FITM2: variants seen among roughly 807,000 people sequenced by gnomAD.
The protein encoded by FITM2 is fat storage inducing transmembrane protein 2, also known as acyl-coenzyme A diphosphatase FITM2.
A neutral mutation model predicts 23.3 loss-of-function variants in FITM2; 16 were observed. That is an observed-to-expected ratio of 0.69 (90% CI 0.47 to 1.05). The LOEUF (loss-of-function observed/expected upper bound fraction) is 1.05. Ranked by LOEUF, FITM2 falls within the 50% of genes least tolerant of loss-of-function variation. The pLI is 0.00. For missense variants in FITM2, 273 were observed against 327.5 expected, an observed-to-expected ratio of 0.83 and a Z score of 1.29; for synonymous variants, 132 against 142.0, an observed-to-expected ratio of 0.93 and a Z score of 0.50.
In FITM2 at chr20:44,306,513, T is replaced by A; in HGVS notation, c.*112A>T. ...TTCAGCACCACCCACCAAAACTGCC[T>A]GGTACACTTTCCCTCTGAAGTAGGA... On this transcript the variant is annotated 3_prime_UTR_variant, in exon 2 of 2. Coordinates refer to ENST00000396825, the MANE Select transcript of FITM2 (RefSeq NM_001080472.4). 1 of 1,461,492 alleles carries A rather than the reference T, an allele frequency of 6.8e-7. No homozygotes were observed. Among genetic ancestry groups the A allele is most frequent in the Middle Eastern group, 2.5e-4 (1 of 3,968 alleles). 90.5% of individuals were successfully genotyped at this position (1,461,492 alleles called of 1,614,324 possible).
At position 44,310,847 on chromosome 20, in the gene FITM2, C is replaced by T. The variant is rs568884407; in HGVS notation, c.173+129G>A. 8.6e-6 allele frequency: 11 copies of T among 1,279,596 alleles called. No homozygotes were observed. In the East Asian group the frequency reaches 1.8e-4, roughly 21 times the overall value. The allele number at this position is 1,279,596 out of a possible 1,614,324, so 79.3% of individuals were successfully genotyped here. A position where few individuals can be genotyped will look rare whatever the true frequency, so the allele number is the denominator to read the frequency against. On this transcript the variant is annotated intron_variant, in intron 1 of 1. Transcript: ENST00000396825. ...AGGCGTGACACGCGTGCAGATGCTG[C>T]TGTCACGGCTAGGAGGAGGACCTCC...
chr20:44,306,823 A>C lies in FITM2; in HGVS notation c.591T>G (p.Ile197Met). The C allele has an allele frequency of 6.2e-7, 1 of 1,614,162 alleles. No individual in the cohort carries two copies. The highest frequency in any genetic ancestry group is 8.5e-7 in the Non-Finnish European group (1 of 1,180,026). ...ACATCAACACCCAGATGAAAGTCAG[A>C]ATGCCCAGGGCCACAACCAGGGTGG... ...AITTLVVALG[I>M]LTFIWVLMFL... The change falls in exon 2 of 2, where the codon ATT becomes ATG. Residue 197 changes from isoleucine (I) to methionine (M), a missense_variant. Transcript: ENST00000396825.
chr20:44,306,756 C>T lies in FITM2; in HGVS notation c.658G>A (p.Val220Met), dbSNP rs145603076. 22 of 1,614,038 alleles carry T rather than the reference C, an allele frequency of 1.4e-5. No homozygotes were observed. The highest frequency in any genetic ancestry group is 1.7e-5 in the Non-Finnish European group (20 of 1,180,042). The change falls in exon 2 of 2, where the codon GTG becomes ATG. Residue 220 changes from valine to methionine, a missense_variant. By Grantham distance (21) the Val-to-Met change is conservative. This residue lies in a region of FITM2 where 117 missense variants were observed against 183.3 expected (regional missense o/e 0.64). Coordinates refer to ENST00000396825, the MANE Select transcript of FITM2 (RefSeq NM_001080472.4). ...AGCAAACCAAACAAGGTGCCAAACA[C>T]CTTCTGGGACAAGTTGTGGAAATAA... ...AVYFHNLSQKVFGTLFGLLSW... is the reference protein window; with the variant it reads ...AVYFHNLSQKMFGTLFGLLSW...
At position 44,311,112 on chromosome 20, in the gene FITM2, C is replaced by A; in HGVS notation, c.37G>T (p.Gly13Trp). The A allele has an allele frequency of 6.2e-7, 1 of 1,612,974 alleles. No homozygotes were observed. Reference protein sequence around the residue: ...HLERCEWLLRGTLVRAAVRRY... With the variant: ...HLERCEWLLRWTLVRAAVRRY... ...CGCACGGCCGCCCGCACCAGCGTCCCCCGCAACAACCACTCGCAGCGCTCC... is the reference window on the plus strand; with the variant it reads ...CGCACGGCCGCCCGCACCAGCGTCCACCGCAACAACCACTCGCAGCGCTCC... The change falls in exon 1 of 2, where the codon GGG (glycine) becomes TGG (tryptophan). Residue 13 changes from glycine to tryptophan, a missense_variant. Gly to Trp is a radical substitution (Grantham distance 184). Coordinates refer to ENST00000396825, the MANE Select transcript of FITM2 (RefSeq NM_001080472.4).
At chr20:44,308,547 T>A (rs1263917905) in intron 1 of FITM2, among the ~76,000 whole-genome samples, 2 of 152,172 alleles carry the variant, frequency 1.3e-5, no homozygotes, top group Non-Finnish European at 2.9e-5. Flanking sequence ...TTTATTTTTA[T>A]TTTTCTGAGA....
intron 1 of FITM2, among the ~76,000 whole-genome samples, chr20:44,309,529 AG>A (rs531808533): frequency 6.6e-6 from 1 of 152,246 alleles, no homozygotes; most frequent in South Asian, 2.1e-4. Context: ...TCTTACTTTA[AG>A]CCAAAAGACC....
At position 44,310,991 on chromosome 20, in the gene FITM2, C is replaced by A. The variant is rs985479020; in HGVS notation, c.158G>T (p.Arg53Leu). The A allele has an allele frequency of 1.2e-5, 19 of 1,555,628 alleles. No homozygotes were observed. Among genetic ancestry groups the A allele is most frequent in the African/African-American group, 2.7e-5 (2 of 73,116 alleles). The stretch of plus-strand genomic sequence containing the variant: ...GTGCACTCACACGTTGAGGACGTTG[C>A]GCTTGTTGCTGAGGTAGCTCTCGGG... Reference protein sequence around the residue: ...PLPESYLSNKRNVLNVYFVKV... With the variant: ...PLPESYLSNKLNVLNVYFVKV... The change falls in exon 1 of 2, where the codon CGC becomes CTC. Residue 53 changes from arginine (R) to leucine (L), a missense_variant. Coordinates refer to ENST00000396825, the MANE Select transcript of FITM2 (RefSeq NM_001080472.4).
rs1418657482 is a variant in FITM2 at position 44,306,859 on chromosome 20, G to A, written c.555C>T (p.His185=). The A allele has an allele frequency of 3.1e-6, 5 of 1,614,204 alleles. No individual in the cohort carries two copies. The highest frequency in any genetic ancestry group is 1.3e-5 in the African/African-American group (1 of 75,028). ...CCACAACCAGGGTGGTGATGGCGGT[G>A]TGGAGGCAGTGGCTTCGGTCCGTCT... ...EVKTDRSHCL[H]TAITTLVVAL... Residue 185 remains histidine, a synonymous_variant, in exon 2 of 2, where the codon CAC becomes CAT. Transcript: ENST00000396825.
At chr20:44,307,995 G>A (rs1464343176) in intron 1 of FITM2, among the ~76,000 whole-genome samples, 1 of 152,016 alleles carries the variant, frequency 6.6e-6, no homozygotes, top group African/African-American at 2.4e-5. Context: ...GCTGAGGCAG[G>A]AGAATGGCAT....
Position 44,306,865 on chromosome 20 carries a change from G to A in FITM2, c.549C>T (p.Cys183=). Residue 183 remains cysteine (C), a synonymous_variant, in exon 2 of 2, where the codon TGC becomes TGT. Transcript: ENST00000396825. The part of the protein sequence containing the change: ...LHEVKTDRSH[C]LHTAITTLVV... Reference sequence around the variant, plus strand: ...CCAGGGTGGTGATGGCGGTGTGGAGGCAGTGGCTTCGGTCCGTCTTCACCT... The same window carrying A: ...CCAGGGTGGTGATGGCGGTGTGGAGACAGTGGCTTCGGTCCGTCTTCACCT... 6.2e-7 allele frequency: 1 copy of A among 1,614,180 alleles called. No homozygotes were observed. Among genetic ancestry groups the A allele is most frequent in the Non-Finnish European group, 8.5e-7 (1 of 1,180,030 alleles).
intron 1 of FITM2, among the ~76,000 whole-genome samples, chr20:44,307,511 C>T (rs893896126): frequency 3.9e-5 from 6 of 151,954 alleles, no homozygotes; most frequent in Non-Finnish European, 7.4e-5. Flanking sequence ...CTGCAACCTC[C>T]GCCTCCCGGG....
At position 44,303,817 on chromosome 20, in the gene FITM2, GT is replaced by G; in HGVS notation, c.*2807del. On this transcript the variant is annotated 3_prime_UTR_variant, in exon 2 of 2. Coordinates refer to ENST00000396825, the MANE Select transcript of FITM2 (RefSeq NM_001080472.4). ...TTTTTGTATTTTTAGTCGAGACGGG[GT>G]TTTATCATGTTGGCTAGGCTGGCCC... 6.6e-6 allele frequency: 1 copy of G among 152,148 alleles called. No homozygotes were observed. 9.4% of individuals were successfully genotyped at this position (152,148 alleles called of 1,614,324 possible). A position where few individuals can be genotyped will look rare whatever the true frequency, so the allele number is the denominator to read the frequency against.
intron 1 of FITM2, among the ~76,000 whole-genome samples, chr20:44,309,940 G>A (rs2062700457): frequency 6.6e-6 from 1 of 152,160 alleles, no homozygotes; most frequent in African/African-American, 2.4e-5. Flanking sequence ...TCTCAGGGTG[G>A]GTGAGGAAGG....
At chr20:44,310,661 T>A (rs1329907390) in intron 1 of FITM2, among the ~76,000 whole-genome samples, 2 of 149,776 alleles carry the variant, frequency 1.3e-5, no homozygotes, top group East Asian at 3.9e-4. Flanking sequence ...GGCGGGGGAG[T>A]GGTGACAGGG....
intron 1 of FITM2, among the ~76,000 whole-genome samples, chr20:44,308,489 C>A (rs1238578281): frequency 1.3e-4 from 20 of 152,060 alleles, no homozygotes; most frequent in African/African-American, 4.3e-4. Flanking sequence ...GTTTGGATAG[C>A]CCCCAGACTC....
chr20:44,305,080 A>C lies in FITM2; in HGVS notation c.*1545T>G, dbSNP rs13045189. 51,107 of 151,862 alleles carry C rather than the reference A, an allele frequency of 0.34. 9,729 individuals are homozygous for C. The highest frequency in any genetic ancestry group is 0.5 in the East Asian group (2,585 of 5,150). The allele number at this position is 151,862 out of a possible 1,614,324, so 9.4% of individuals were successfully genotyped here. ...ATGAGGTGGAATTTAAGACTGTAAG[A>C]CCAGAGTTTGGTTCATAACAAGTAC... On this transcript the variant is annotated 3_prime_UTR_variant, in exon 2 of 2. Transcript: ENST00000396825.
At chr20:44,310,338 G>A (rs540167505) in intron 1 of FITM2, among the ~76,000 whole-genome samples, 4 of 152,306 alleles carry the variant, frequency 2.6e-5, no homozygotes, top group Admixed American at 6.5e-5. Context: ...ATGTCTCAAA[G>A]CGCCCAGCTG....
chr20:44,303,449 G>A lies in FITM2; in HGVS notation c.*3176C>T, dbSNP rs756809576. 9 of 152,256 alleles carry A rather than the reference G, an allele frequency of 5.9e-5. No homozygotes were observed. Among genetic ancestry groups the A allele is most frequent in the Admixed American group, 2.0e-4 (3 of 15,302 alleles). The allele number at this position is 152,256 out of a possible 1,614,324, so 9.4% of individuals were successfully genotyped here. Reference sequence around the variant, plus strand: ...AGGGGGCTAAGCATGGACAAGTGGCGGAAGCCTCATCGATACAGAAGGCTC... The same window carrying A: ...AGGGGGCTAAGCATGGACAAGTGGCAGAAGCCTCATCGATACAGAAGGCTC... On this transcript the variant is annotated 3_prime_UTR_variant, in exon 2 of 2. Coordinates refer to ENST00000396825, the MANE Select transcript of FITM2 (RefSeq NM_001080472.4).
At chr20:44,309,522 T>C (rs1446538518) in intron 1 of FITM2, among the ~76,000 whole-genome samples, 1 of 152,172 alleles carries the variant, frequency 6.6e-6, no homozygotes, top group African/African-American at 2.4e-5. Flanking sequence ...AACAAGGTCT[T>C]ACTTTAAGCC....
Sources: allele counts gnomAD v4.1 joint callset (sites outside exome capture counted in the v4.1 genomes callset), GRCh38; gene constraint gnomAD v4.1.1; regional missense constraint gnomAD v4.1.1; transcripts MANE v1.5; gene names NCBI Gene and HGNC (gene_info 2026-07-23, HGNC 2026-07-21).